The following ARL16 variants were observed in gnomAD, a reference collection of about 807,000 sequenced individuals.
The protein encoded by ARL16 is ARF like GTPase 16, also known as ADP-ribosylation factor-like protein 16.
ARL16 carries 21 observed loss-of-function variants against 14.1 expected under a neutral mutation model. That is an observed-to-expected ratio of 1.48 (90% CI 1.05 to 2.14). The LOEUF is 2.14. ARL16 is among the 30% of genes most tolerant of loss of function. The pLI, the probability that ARL16 is intolerant of heterozygous loss-of-function variation, is 0.00. For missense variants in ARL16, 248 were observed against 222.0 expected (o/e 1.12, Z -0.74); for synonymous variants, 122 against 91.8 (o/e 1.33, Z -1.88).
chr17:81,682,970 G>T, intron 3 of ARL16, 43 bp downstream of exon 3: 4 of 1,545,596 alleles, frequency 2.6e-6, no homozygotes, highest in Non-Finnish European at 3.6e-6. Context: ...CAGAAATGTA[G>T]ACACACTTCC....
Position 81,683,708 on chromosome 17 carries a change from C to T in ARL16, c.46G>A (p.Val16Met). 6.2e-7 allele frequency: 1 copy of T among 1,606,514 alleles called. No homozygotes were observed. The highest frequency in any genetic ancestry group is 1.1e-5 in the South Asian group (1 of 90,384). The change falls in exon 1 of 5, where the codon GTG (valine) becomes ATG (methionine). Residue 16 changes from valine (V) to methionine (M), a missense_variant. Transcript: ENST00000622299. ...GATGVGKTLL[V>M]KRLQEVSSRD... ...GGAAGGATATCCTGCAGCCGTTTCA[C>T]CAGCAGCGTCTTCCCGACGCCCGTG...
chr17:81,683,548 C>T lies in ARL16; in HGVS notation c.108G>A (p.Pro36=). 2 of 1,596,974 alleles carry T rather than the reference C, an allele frequency of 1.3e-6. No homozygotes were observed. Among genetic ancestry groups the T allele is most frequent in the Non-Finnish European group, 1.7e-6 (2 of 1,173,660 alleles). The change falls in exon 2 of 5, where the codon CCG becomes CCA. Residue 36 remains proline (P), a synonymous_variant. Coordinates refer to ENST00000622299, the MANE Select transcript of ARL16 (RefSeq NM_001040025.3). ...GGCGGACACCTACCGTGGGCCGTGT[C>T]GGGGGCGGCTCCCCCAGGTCGCCTT... is the stretch of plus-strand genomic sequence containing the variant. ...DGKGDLGEPP[P]TRPTVGTNLT...
Position 81,683,333 on chromosome 17 carries a change from G to C in ARL16, c.120+203C>G. On this transcript the variant is annotated intron_variant, in intron 2 of 4. Coordinates refer to ENST00000622299, the MANE Select transcript of ARL16 (RefSeq NM_001040025.3). The stretch of plus-strand genomic sequence containing the variant: ...CAGCCACAGGAAGCCGTTGCGAGGG[G>C]AGAGGAAGTGCCCGTGGAGGGCGGC... The C allele has an allele frequency of 8.3e-6, 7 of 845,914 alleles. No homozygotes were observed. The South Asian group carries it at 1.3e-4, about 15-fold the overall frequency. 52.4% of individuals were successfully genotyped at this position (845,914 alleles called of 1,614,324 possible). A position where few individuals can be genotyped will look rare whatever the true frequency, so the allele number is the denominator to read the frequency against.
chr17:81,681,771 AC>A lies in ARL16; in HGVS notation c.458del (p.Arg153LeufsTer6). 1 of 1,610,978 alleles carries A rather than the reference AC, an allele frequency of 6.2e-7. No homozygotes were observed. The highest frequency in any genetic ancestry group is 8.5e-7 in the Non-Finnish European group (1 of 1,178,930). Reference protein sequence around the residue: ...QNITTAEISAREGTGLAGVLA... With the variant: ...QNITTAEISAXEGTGLAGVLA... ...GCACCCCTGCTAAGCCAGTGCCTTC[AC>A]GGGCGCTGATTTCTGCCGTGGTGAT... On this transcript the variant is annotated frameshift_variant, in exon 5 of 5. Coordinates refer to ENST00000622299, the MANE Select transcript of ARL16 (RefSeq NM_001040025.3). LOFTEE classifies it high-confidence loss of function.
Position 81,683,024 on chromosome 17 carries a change from G to A in ARL16, c.223C>T (p.Arg75Cys), listed in dbSNP as rs2036883824. The A allele has an allele frequency of 6.2e-7, 1 of 1,613,358 alleles. No individual in the cohort carries two copies. Among genetic ancestry groups the A allele is most frequent in the African/African-American group, 1.3e-5 (1 of 74,902 alleles). Residue 75 changes from arginine (R) to cysteine (C), a missense_variant, in exon 3 of 5, where the codon CGT becomes TGT. Physicochemically the swap from Arg to Cys is radical, Grantham distance 180. Coordinates refer to ENST00000622299, the MANE Select transcript of ARL16 (RefSeq NM_001040025.3). ...PIWSSYYGNC[R>C]SLLFVMDASD... ...GGATTACAACCCACCAGGAGAGAAC[G>A]GCAGTTTCCATAGTAACTGGACCAG...
intron 1 of ARL16, 25 bp from the exon 2 acceptor site, chr17:81,683,619 C>T (rs368288274): frequency 2.5e-6 from 4 of 1,594,744 alleles, no homozygotes; most frequent in African/African-American, 1.4e-5. Flanking sequence ...AGGACCCGAG[C>T]AGCTAAAGGG....
At chr17:81,681,949 A>G in intron 4 of ARL16, 70 bp from the exon 5 acceptor site, 1 of 1,545,168 alleles carries the variant, frequency 6.5e-7, no homozygotes, top group Non-Finnish European at 8.7e-7. Context: ...CAGCTGCACC[A>G]CCTCCCTACC....
intron 3 of ARL16, chr17:81,682,765 T>G: frequency 1.8e-6 from 1 of 546,564 alleles, no homozygotes; most frequent in Non-Finnish European, 3.3e-6. Flanking sequence ...AAGTCTGTTC[T>G]CTGCGGAGCA....
At chr17:81,683,262 G>C in intron 2 of ARL16, 136 bp from the exon 3 acceptor site, 1 of 912,480 alleles carries the variant, frequency 1.1e-6, no homozygotes, top group Non-Finnish European at 1.7e-6. Context: ...GGAACGGCGA[G>C]CAGGGACCGA....
chr17:81,682,203 T>TG (rs962306260), intron 3 of ARL16, 54 bp from the exon 4 acceptor site: 84 of 1,371,876 alleles, frequency 6.1e-5, no homozygotes, highest in Non-Finnish European at 8.3e-5. Context: ...CTTCCTCCCC[T>TG]GGGCCTCACA....
At chr17:81,682,205 G>A (rs1163014764) in intron 3 of ARL16, 56 bp from the exon 4 acceptor site, 2 of 1,347,550 alleles carry the variant, frequency 1.5e-6, no homozygotes, top group Non-Finnish European at 2.0e-6. Context: ...TCCTCCCCTG[G>A]GCCTCACAGA....
chr17:81,682,581 C>T (rs1568207861), intron 3 of ARL16: 1 of 191,150 alleles, frequency 5.2e-6, no homozygotes, highest in Non-Finnish European at 1.1e-5. Context: ...CAAGCAGAAG[C>T]AGAGGGAATC....
Position 81,683,068 on chromosome 17 carries a change from C to A in ARL16, c.179G>T (p.Gly60Val), listed in dbSNP as rs984903545. The A allele has an allele frequency of 1.9e-6, 3 of 1,613,536 alleles. No individual in the cohort carries two copies. Among genetic ancestry groups the A allele is most frequent in the Middle Eastern group, 3.3e-4 (2 of 6,058 alleles). Residue 60 changes from glycine (G) to valine (V), a missense_variant, in exon 3 of 5, where the codon GGG becomes GTG. Coordinates refer to ENST00000622299, the MANE Select transcript of ARL16 (RefSeq NM_001040025.3). ...GGACCAGATGGGGCCCATGCACCCC[C>A]CAAGCTCCCGGATGGTGATCTTTCT... is the stretch of plus-strand genomic sequence containing the variant. Reference protein sequence around the residue: ...AQRKITIRELGGCMGPIWSSY... With the variant: ...AQRKITIRELVGCMGPIWSSY...
Position 81,683,731 on chromosome 17 carries a change from G to A in ARL16, c.23C>T (p.Thr8Met), listed in dbSNP as rs1176649794. The A allele has an allele frequency of 5.0e-6, 8 of 1,607,662 alleles. No homozygotes were observed. The highest frequency in any genetic ancestry group is 4.4e-5 in the South Asian group (4 of 90,740). Residue 8 changes from threonine to methionine, a missense_variant, in exon 1 of 5, where the codon ACG becomes ATG. By Grantham distance (81) the Thr-to-Met change is moderately conservative. Coordinates refer to ENST00000622299, the MANE Select transcript of ARL16 (RefSeq NM_001040025.3). MCLLLGA[T>M]GVGKTLLVKR... ...CACCAGCAGCGTCTTCCCGACGCCC[G>A]TGGCCCCCAGCAGGAGACACATTCC...
chr17:81,682,485 G>C (rs7503637), intron 3 of ARL16: 2 of 185,116 alleles, frequency 1.1e-5, no homozygotes, highest in South Asian at 1.0e-4. Context: ...CTCGTGATTC[G>C]CCCACCTCAG....
Position 81,683,698 on chromosome 17 carries a change from A to C in ARL16, c.56T>G (p.Leu19Arg). The C allele has an allele frequency of 6.2e-7, 1 of 1,605,028 alleles. No homozygotes were observed. Among genetic ancestry groups the C allele is most frequent in the Non-Finnish European group, 8.5e-7 (1 of 1,177,066 alleles). Residue 19 changes from leucine (L) to arginine (R), a missense_variant, in exon 1 of 5, where the codon CTG becomes CGG. Leu to Arg is a moderately radical substitution (Grantham distance 102). Coordinates refer to ENST00000622299, the MANE Select transcript of ARL16 (RefSeq NM_001040025.3). ...GVGKTLLVKR[L>R]QEVSSRDGKG... ...GTCCCCGCGCGGAAGGATATCCTGCAGCCGTTTCACCAGCAGCGTCTTCCC... is the reference window on the plus strand; with the variant it reads ...GTCCCCGCGCGGAAGGATATCCTGCCGCCGTTTCACCAGCAGCGTCTTCCC...
In ARL16 at chr17:81,683,141, A is replaced by G; in HGVS notation, c.121-15T>C. On this transcript the variant is annotated splice_polypyrimidine_tract_variant and intron_variant, in intron 2 of 4. Transcript: ENST00000622299. Reference sequence around the variant, plus strand: ...TTGGTGCCCACCTATAGGAAAAACCACGATGCAAAAAGAACAATACAACCG... The same window carrying G: ...TTGGTGCCCACCTATAGGAAAAACCGCGATGCAAAAAGAACAATACAACCG... 1.3e-6 allele frequency: 2 copies of G among 1,598,950 alleles called. No homozygotes were observed. The highest frequency in any genetic ancestry group is 1.1e-5 in the South Asian group (1 of 89,424).
Position 81,683,736 on chromosome 17 carries a change from C to G in ARL16, c.18G>C (p.Gly6=). 6.2e-7 allele frequency: 1 copy of G among 1,608,210 alleles called. No homozygotes were observed. Among genetic ancestry groups the G allele is most frequent in the South Asian group, 1.1e-5 (1 of 90,780 alleles). ...GCAGCGTCTTCCCGACGCCCGTGGC[C>G]CCCAGCAGGAGACACATTCCGTGCT... MCLLL[G]ATGVGKTLLV... Residue 6 remains glycine, a synonymous_variant, in exon 1 of 5, where the codon GGG becomes GGC. Coordinates refer to ENST00000622299, the MANE Select transcript of ARL16 (RefSeq NM_001040025.3).
Position 81,682,161 on chromosome 17 carries a change from GA to G in ARL16, c.235-13del. The G allele has an allele frequency of 1.3e-6, 2 of 1,583,188 alleles. No homozygotes were observed. Among genetic ancestry groups the G allele is most frequent in the Non-Finnish European group, 1.7e-6 (2 of 1,163,742 alleles). The stretch of plus-strand genomic sequence containing the variant: ...GCGTCCATCACAAACTGGGGAAAAA[GA>G]AAAAGACAGCAGCAATGCCCCGCTG... On this transcript the variant is annotated splice_polypyrimidine_tract_variant and intron_variant, in intron 3 of 4. Coordinates refer to ENST00000622299, the MANE Select transcript of ARL16 (RefSeq NM_001040025.3).
Sources: allele counts gnomAD v4.1 joint callset, GRCh38; gene constraint gnomAD v4.1.1; transcripts MANE v1.5; gene names NCBI Gene and HGNC (gene_info 2026-07-23, HGNC 2026-07-21).